Variants in DDX17 observed in about 807,000 individuals in gnomAD.
DDX17 encodes DEAD-box helicase 17, also known as probable ATP-dependent RNA helicase DDX17.
A neutral mutation model predicts 80.8 loss-of-function variants in DDX17; 10 were observed. The observed-to-expected ratio is 0.12, with a 90% CI of 0.08 to 0.21. The LOEUF (loss-of-function observed/expected upper bound fraction) is 0.21. Ranked by LOEUF, DDX17 falls within the 10% of genes least tolerant of loss-of-function variation. The pLI is 1.00. For missense variants in DDX17, 586 were observed against 957.4 expected, an observed-to-expected ratio of 0.61 and a Z score of 5.12; for synonymous variants, 339 against 336.2, an observed-to-expected ratio of 1.01 and a Z score of -0.09.
rs1195231473 is a variant in DDX17, at chr22:38,484,226, G to A, written c.*1709C>T. On this transcript the variant is annotated 3_prime_UTR_variant, in exon 13 of 13. Coordinates refer to ENST00000403230, the MANE Select transcript of DDX17 (RefSeq NM_006386.5). ...CTTCTGTGCCTACCATTCTCCCTTG[G>A]CCTCAACTTCTGTAAGATGGGGGGG... The A allele has an allele frequency of 7.0e-6, 1 of 142,390 alleles. No homozygotes were observed. Among genetic ancestry groups the A allele is most frequent in the Non-Finnish European group, 1.5e-5 (1 of 65,418 alleles). 8.8% of individuals were successfully genotyped at this position (142,390 alleles called of 1,614,324 possible).
At chr22:38,496,564 A>T (rs926953297) in intron 5 of DDX17, among the ~76,000 whole-genome samples, 1 of 152,076 alleles carries the variant, frequency 6.6e-6, no homozygotes. Context: ...TGGCCAGGCT[A>T]GTCTCGAACT....
chr22:38,505,698 G>A (rs759535562), intron 1 of DDX17: 3 of 474,920 alleles, frequency 6.3e-6, no homozygotes, highest in Non-Finnish European at 7.3e-6. Context: ...CCGCGGGGCT[G>A]GGATGGGGCC....
At chr22:38,488,521 A>G (rs2089684105) in intron 11 of DDX17, 2 of 1,031,262 alleles carry the variant, frequency 1.9e-6, no homozygotes, top group Admixed American at 5.1e-5. Context: ...AGGCCAAATC[A>G]CTTCTACTCT....
intron 11 of DDX17, chr22:38,490,570 A>G: frequency 1.4e-6 from 1 of 712,848 alleles, no homozygotes; most frequent in Non-Finnish European, 2.0e-6. Flanking sequence ...TTATAAAATT[A>G]TGGGAATCAA....
rs753475889 is a variant in DDX17 at position 38,506,278 on chromosome 22, G to A, written c.-41C>T. The A allele has an allele frequency of 3.3e-5, 51 of 1,537,062 alleles. No homozygotes were observed. The highest frequency in any genetic ancestry group is 3.8e-5 in the Non-Finnish European group (44 of 1,146,372). ...AACCGGGCAGTGCCGCGGTTTAGGC[G>A]TCTCCTTCCTTCCCAGCGACTGCAC... is the stretch of plus-strand genomic sequence containing the variant. On this transcript the variant is annotated 5_prime_UTR_variant, in exon 1 of 13. The change creates a new upstream start codon in the 5' untranslated region. Transcript: ENST00000403230.
Position 38,498,580 on chromosome 22 carries a change from G to A in DDX17, c.539-7C>T. 1 of 1,613,162 alleles carries A rather than the reference G, an allele frequency of 6.2e-7. No individual in the cohort carries two copies. The highest frequency in any genetic ancestry group is 1.1e-5 in the South Asian group (1 of 91,054). On this transcript the variant is annotated splice_region_variant and splice_polypyrimidine_tract_variant and intron_variant, in intron 3 of 12. Transcript: ENST00000403230. ...AACACATCCATTACATATTCTGTAA[G>A]AGAATTTTATTTTGCGTATTTTATT...
chr22:38,492,717 C>A (rs1318442471), intron 10 of DDX17, among the ~76,000 whole-genome samples: 1 of 152,112 alleles, frequency 6.6e-6, no homozygotes, highest in African/African-American at 2.4e-5. Context: ...AACTCCCAAC[C>A]TCAGGTGATC....
At chr22:38,494,497 A>G (rs2089742496) in intron 8 of DDX17, 133 bp downstream of exon 8, 1 of 790,028 alleles carries the variant, frequency 1.3e-6, no homozygotes, top group East Asian at 2.7e-5. Context: ...ATGATGATGG[A>G]TTATCAGAAA....
intron 2 of DDX17, among the ~76,000 whole-genome samples, chr22:38,500,730 T>G (rs2089819204): frequency 6.9e-6 from 1 of 145,710 alleles, no homozygotes; most frequent in South Asian, 2.2e-4. Context: ...GGCAGTAGAA[T>G]CGCTTGAACC....
chr22:38,499,269 G>C (rs1175474270), intron 3 of DDX17, 131 bp downstream of exon 3: 3 of 692,210 alleles, frequency 4.3e-6, no homozygotes, highest in Non-Finnish European at 7.6e-6. Flanking sequence ...GAACAGAACT[G>C]ATGACCATAA....
intron 11 of DDX17, chr22:38,488,887 A>T: frequency 7.1e-6 from 7 of 985,432 alleles, no homozygotes; most frequent in Non-Finnish European, 8.4e-6. Flanking sequence ...ACTTGTTTCA[A>T]TTATCAATGA....
chr22:38,498,486 C>T lies in DDX17; in HGVS notation c.626G>A (p.Arg209Gln), dbSNP rs774684548. ...AGTCTGAGCAATGCCCACCATATCC[C>T]GGCCACTAAGAGCCAACGGAAATCC... Residue 209 changes from arginine (R) to glutamine (Q), a missense_variant, in exon 4 of 13, where the codon CGG becomes CAG. Coordinates refer to ENST00000403230, the MANE Select transcript of DDX17 (RefSeq NM_006386.5). 3.1e-6 allele frequency: 5 copies of T among 1,614,132 alleles called. No homozygotes were observed. The highest frequency in any genetic ancestry group is 4.5e-5 in the East Asian group (2 of 44,880).
At chr22:38,486,663 C>A (rs551997510) in intron 12 of DDX17, among the ~76,000 whole-genome samples, 9 of 152,092 alleles carry the variant, frequency 5.9e-5, no homozygotes, top group Non-Finnish European at 1.2e-4. Context: ...ACCTTTTCAC[C>A]CTTTTAGGCC....
chr22:38,505,783 G>A (rs1023382118), intron 1 of DDX17, 168 bp downstream of exon 1: 3 of 843,908 alleles, frequency 3.6e-6, no homozygotes, highest in African/African-American at 3.7e-5. Flanking sequence ...GGTCCCGAGT[G>A]ACCCCGGGGC....
chr22:38,495,736 C>T, intron 6 of DDX17, 60 bp downstream of exon 6: 1 of 1,346,194 alleles, frequency 7.4e-7, no homozygotes, highest in Non-Finnish European at 9.8e-7. Context: ...CTCCAATTTC[C>T]TCCACAGGAA....
Position 38,498,515 on chromosome 22 carries a change from G to A in DDX17, c.597C>T (p.Cys199=). 1 of 1,614,080 alleles carries A rather than the reference G, an allele frequency of 6.2e-7. No individual in the cohort carries two copies. Among genetic ancestry groups the A allele is most frequent in the Non-Finnish European group, 8.5e-7 (1 of 1,180,006 alleles). The change falls in exon 4 of 13, where the codon TGC becomes TGT. Residue 199 remains cysteine, a synonymous_variant. Coordinates refer to ENST00000403230, the MANE Select transcript of DDX17 (RefSeq NM_006386.5). ...CACTAAGAGCCAACGGAAATCCCTG[G>A]CACTGAATTGGAGTTGGTTCTGTAA...
chr22:38,505,625 A>C, intron 1 of DDX17: 7 of 271,982 alleles, frequency 2.6e-5, no homozygotes, highest in East Asian at 6.8e-5. Flanking sequence ...AGAGCCGGGA[A>C]ACCAGGCGAG....
Position 38,489,238 on chromosome 22 carries a change from T to C in DDX17, c.1448-1123A>G, listed in dbSNP as rs1602671813. ...TGTTTGTTACCAGACCGATGCACAC[T>C]CCCTCCTCCTTTGGGAAACCGCTGC... On this transcript the variant is annotated intron_variant, in intron 11 of 12. Transcript: ENST00000403230. The surrounding 1 kb of genome is among the most constrained non-coding windows in gnomAD (Gnocchi z 4.6). 4.1e-6 allele frequency: 4 copies of C among 985,814 alleles called. No individual in the cohort carries two copies. Among genetic ancestry groups the C allele is most frequent in the Non-Finnish European group, 4.8e-6 (4 of 829,920 alleles). The allele number at this position is 985,814 out of a possible 1,614,324, so 61.1% of individuals were successfully genotyped here.
Position 38,496,060 on chromosome 22 carries a change from G to A in DDX17, c.739-123C>T. 9.4e-6 allele frequency: 8 copies of A among 851,948 alleles called. 1 individual carries two copies. The highest frequency in any genetic ancestry group is 1.1e-5 in the Non-Finnish European group (7 of 611,782). The allele number at this position is 851,948 out of a possible 1,614,324, so 52.8% of individuals were successfully genotyped here. A position where few individuals can be genotyped will look rare whatever the true frequency, so the allele number is the denominator to read the frequency against. On this transcript the variant is annotated intron_variant, in intron 5 of 12. Coordinates refer to ENST00000403230, the MANE Select transcript of DDX17 (RefSeq NM_006386.5). Reference sequence around the variant, plus strand: ...TGCTGTCTAATCTAGCACATTAAAAGTGATGGGGTGAAGATCAGAAGTGGG... The same window carrying A: ...TGCTGTCTAATCTAGCACATTAAAAATGATGGGGTGAAGATCAGAAGTGGG...
Sources: gnomAD v4.1 joint callset for allele counts (sites outside exome capture counted in the v4.1 genomes callset) on GRCh38, gnomAD v4.1.1 for gene constraint, Gnocchi (gnomAD v3.1) non-coding constraint, MANE v1.5 for transcripts, NCBI Gene and HGNC (gene_info 2026-07-23, HGNC 2026-07-21) for gene names.